The following EVL variants were observed in gnomAD, a reference collection of about 807,000 sequenced individuals.
EVL encodes the protein Enah/Vasp-like.
EVL carries 21 observed loss-of-function variants against 59.6 expected under a neutral mutation model. That is an observed-to-expected ratio of 0.35 (90% CI 0.25 to 0.51). The LOEUF is 0.51. Among genes scored for constraint, EVL ranks in the 20% least tolerant of loss-of-function variants. The pLI is 0.97. For missense variants in EVL, 462 were observed against 546.6 expected (o/e 0.85, Z 1.54); for synonymous variants, 198 against 203.5 (o/e 0.97, Z 0.23).
intron 1 of EVL, among the ~76,000 whole-genome samples, chr14:100,013,910 T>C (rs886260875): frequency 1.3e-5 from 2 of 152,198 alleles, no homozygotes; most frequent in African/African-American, 4.8e-5. Context: ...ACATAGTAGA[T>C]ATTTCTATTT....
At chr14:100,052,950 C>T (rs2061669759) in intron 1 of EVL, 1 of 152,390 alleles carries the variant, frequency 6.6e-6, no homozygotes, top group Non-Finnish European at 1.5e-5. Context: ...GGGCCCTCTT[C>T]CTGGCTTGCA....
intron 1 of EVL, among the ~76,000 whole-genome samples, chr14:100,057,022 G>T (rs910770745): frequency 6.6e-6 from 1 of 152,132 alleles, no homozygotes; most frequent in Non-Finnish European, 1.5e-5. Context: ...TCTCTATCCT[G>T]GGGGCTCAGT....
intron 1 of EVL, among the ~76,000 whole-genome samples, chr14:99,976,789 C>T (rs1221374899): frequency 1.3e-5 from 2 of 152,152 alleles, no homozygotes; most frequent in African/African-American, 4.8e-5. Flanking sequence ...TCTTCTTCAC[C>T]AGCACCTTTA....
upstream of EVL, among the ~76,000 whole-genome samples, chr14:100,062,325 A>G (rs1180844292): frequency 6.6e-6 from 1 of 152,050 alleles, no homozygotes; most frequent in Non-Finnish European, 1.5e-5. Context: ...GAATGAAATT[A>G]TGCAATTATG....
In EVL at chr14:100,084,763, C is replaced by T. The variant is rs747052307; in HGVS notation, c.88C>T (p.Pro30Ser). The change falls in exon 2 of 14, where the codon CCT becomes TCT. Residue 30 changes from proline to serine, a missense_variant. Coordinates refer to ENST00000392920, the MANE Select transcript of EVL (RefSeq NM_016337.3). ...DTSKKWVPIK[P>S]GQQGFSRINI... ...CAGTAAGAAATGGGTACCAATCAAA[C>T]CTGGCCAGCAGGGATTCAGCCGGAT... is the stretch of plus-strand genomic sequence containing the variant. The T allele has an allele frequency of 8.7e-5, 140 of 1,614,064 alleles. No homozygotes were observed. Among genetic ancestry groups the T allele is most frequent in the Non-Finnish European group, 1.1e-4 (134 of 1,180,042 alleles).
At chr14:99,977,944 A>G (rs1228644980) in intron 1 of EVL, 3 of 151,850 alleles carry the variant, frequency 2.0e-5, no homozygotes, top group African/African-American at 7.3e-5. Context: ...TAAAAATACA[A>G]CAGTTAGCCA....
intron 1 of EVL, among the ~76,000 whole-genome samples, chr14:100,020,902 G>T (rs1410216489): frequency 6.6e-6 from 1 of 152,152 alleles, no homozygotes; most frequent in Admixed American, 6.5e-5. Context: ...TTTTTATGTG[G>T]CAGTGTGCTC....
At chr14:99,974,204 G>T (rs1402801061) in intron 1 of EVL, 1 of 152,054 alleles carries the variant, frequency 6.6e-6, no homozygotes, top group Non-Finnish European at 1.5e-5. Flanking sequence ...TCTAATTTTA[G>T]AACTTTTTTC....
intron 2 of EVL, among the ~76,000 whole-genome samples, chr14:100,091,765 G>T (rs914276534): frequency 6.6e-6 from 1 of 152,210 alleles, no homozygotes; most frequent in African/African-American, 2.4e-5. Flanking sequence ...CCGTGGGTCG[G>T]AAGCACAAGT....
chr14:100,128,475 C>T (rs746666025), intron 5 of EVL, 44 bp from the exon 6 acceptor site: 72 of 1,606,634 alleles, frequency 4.5e-5, no homozygotes, highest in Non-Finnish European at 6.0e-5. Context: ...GCTTGGCCCC[C>T]AGCTGGGTGC....
chr14:100,057,877 T>C (rs1448505194), intron 1 of EVL, among the ~76,000 whole-genome samples: 1 of 152,230 alleles, frequency 6.6e-6, no homozygotes, highest in Non-Finnish European at 1.5e-5. Context: ...TGTTAGAGAC[T>C]GTAACTAATT....
intron 2 of EVL, among the ~76,000 whole-genome samples, chr14:100,092,439 G>A (rs1424459644): frequency 6.6e-6 from 1 of 152,116 alleles, no homozygotes; most frequent in East Asian, 1.9e-4. Context: ...CTATGTAGCA[G>A]TCAATAAGAA....
chr14:100,038,011 A>T (rs1183747598), intron 1 of EVL, among the ~76,000 whole-genome samples: 1 of 152,210 alleles, frequency 6.6e-6, no homozygotes, highest in Non-Finnish European at 1.5e-5. Flanking sequence ...GGTTGTGATC[A>T]CCAGGTTAGT....
intron 8 of EVL, chr14:100,134,764 G>C (rs925587588): frequency 1.3e-5 from 2 of 152,262 alleles, no homozygotes; most frequent in African/African-American, 2.4e-5. Context: ...TGCCATGGCA[G>C]AGCTGGCCCT....
intron 1 of EVL, among the ~76,000 whole-genome samples, chr14:100,036,797 C>T (rs1047194704): frequency 2.0e-5 from 3 of 152,136 alleles, no homozygotes; most frequent in East Asian, 1.9e-4. Flanking sequence ...GGCACTGTTA[C>T]GGACTAAATT....
intron 11 of EVL, chr14:100,140,961 C>T (rs1323160619): frequency 1.0e-5 from 5 of 495,852 alleles, no homozygotes; most frequent in East Asian, 6.8e-5. Flanking sequence ...CCTTGGCTCT[C>T]GGGTTGGGAA....
chr14:100,039,582 G>A (rs1269277613), intron 1 of EVL, among the ~76,000 whole-genome samples: 1 of 152,162 alleles, frequency 6.6e-6, no homozygotes, highest in Non-Finnish European at 1.5e-5. Context: ...GAATAATTTG[G>A]ACACATAATA....
rs551156930 is a variant in EVL, at chr14:100,043,672, G to C, written c.6-41015G>C. Among the ~76,000 whole-genome samples, 5 of 150,690 alleles carry C rather than the reference G, an allele frequency of 3.3e-5. No homozygotes were observed. The South Asian group carries it at 8.5e-4, about 26-fold the overall frequency. ...CTGTTGCCTAGGCTGGAGTACAGTGGCACAATCATGGCACACTGTAGCCTC... is the reference window on the plus strand; with the variant it reads ...CTGTTGCCTAGGCTGGAGTACAGTGCCACAATCATGGCACACTGTAGCCTC... On this transcript the variant is annotated intron_variant, in intron 1 of 13. Coordinates refer to the EVL transcript ENST00000402714.
chr14:100,143,552 G>A (rs1288176001), intron 13 of EVL, 149 bp from the exon 14 acceptor site: 4 of 898,808 alleles, frequency 4.5e-6, no homozygotes, highest in South Asian at 1.5e-5. Flanking sequence ...CATCACCCCA[G>A]AGGTCTATGC....
Sources: gnomAD v4.1 joint callset for allele counts (sites outside exome capture counted in the v4.1 genomes callset) on GRCh38, gnomAD v4.1.1 for gene constraint, MANE v1.5 for transcripts, NCBI Gene and HGNC (gene_info 2026-07-23, HGNC 2026-07-21) for gene names.